ZNF98: variants seen among roughly 807,000 people sequenced by gnomAD.
ZNF98 encodes the protein zinc finger protein 98.
In ZNF98, 8 loss-of-function variants were observed where a neutral mutation model predicts 12.8. The observed-to-expected ratio is 0.63, with a 90% confidence interval of 0.37 to 1.13. The LOEUF is 1.13. Among genes scored for constraint, ZNF98 ranks in the 50% most tolerant of loss-of-function variants. The probability of loss-of-function intolerance (pLI) is 0.01; values close to 1 mark genes in which losing one functional copy is unlikely to be tolerated. For missense variants in ZNF98, 379 were observed against 666.1 expected (o/e 0.57, Z 4.74); for synonymous variants, 112 against 223.5 (o/e 0.50, Z 4.45).
intron 1 of ZNF98, among the ~76,000 whole-genome samples, chr19:22,418,779 G>A (rs1407084136): frequency 6.6e-6 from 1 of 152,186 alleles, no homozygotes; most frequent in Non-Finnish European, 1.5e-5. Flanking sequence ...CTTCTTGGGA[G>A]GCTGAGGCAG....
chr19:22,396,360 C>T (rs1432655585), intron 3 of ZNF98, among the ~76,000 whole-genome samples: 1 of 151,736 alleles, frequency 6.6e-6, no homozygotes, highest in Non-Finnish European at 1.5e-5. Context: ...ATGGAACCCC[C>T]AAGGTGCCAC....
chr19:22,409,581 A>T (rs1016941307), intron 1 of ZNF98, among the ~76,000 whole-genome samples: 1 of 152,146 alleles, frequency 6.6e-6, no homozygotes, highest in African/African-American at 2.4e-5. Flanking sequence ...AAGAAACTTT[A>T]AAAAATTTAC....
intron 3 of ZNF98, 57 bp downstream of exon 3, chr19:22,402,732 T>C (rs1269038187): frequency 3.6e-5 from 42 of 1,181,970 alleles, no homozygotes; most frequent in East Asian, 8.1e-5. Context: ...TTTTTTTTTT[T>C]CTACTTTGGA....
chr19:22,391,299 AATAAG>A lies in ZNF98; in HGVS notation c.*212_*216del, dbSNP rs1193558223. 1.5e-5 allele frequency: 14 copies of A among 958,220 alleles called. No individual in the cohort carries two copies. The highest frequency in any genetic ancestry group is 5.6e-5 in the East Asian group (2 of 35,846). 59.4% of individuals were successfully genotyped at this position (958,220 alleles called of 1,614,324 possible). A position where few individuals can be genotyped will look rare whatever the true frequency, so the allele number is the denominator to read the frequency against. Reference sequence around the variant, plus strand: ...ATTAAGTATAAATTCTCTGATGCTGAATAAGATGTGTGCAGATATTAATCACTTTT... The same window carrying A: ...ATTAAGTATAAATTCTCTGATGCTGAATGTGTGCAGATATTAATCACTTTT... On this transcript the variant is annotated 3_prime_UTR_variant, in exon 4 of 4. Coordinates refer to ENST00000357774, the MANE Select transcript of ZNF98 (RefSeq NM_001098626.2).
chr19:22,406,188 T>C (rs1254126057), intron 1 of ZNF98, among the ~76,000 whole-genome samples: 1 of 151,984 alleles, frequency 6.6e-6, no homozygotes, highest in East Asian at 1.9e-4. Context: ...CCAACTGGGG[T>C]TGTCAGACAC....
At chr19:22,413,368 A>G (rs189565667) in intron 1 of ZNF98, among the ~76,000 whole-genome samples, 70 of 152,354 alleles carry the variant, frequency 4.6e-4, no homozygotes, top group African/African-American at 1.6e-3. Flanking sequence ...AAGCTTTTCA[A>G]ACTGACAACT....
At chr19:22,394,841 CTG>C (rs1185314535) in intron 3 of ZNF98, among the ~76,000 whole-genome samples, 1 of 152,050 alleles carries the variant, frequency 6.6e-6, no homozygotes, top group East Asian at 1.9e-4. Flanking sequence ...AGCAGAAAGA[CTG>C]TGGTACTACA....
chr19:22,409,252 A>G (rs1490767938), intron 1 of ZNF98, among the ~76,000 whole-genome samples: 2 of 152,156 alleles, frequency 1.3e-5, no homozygotes, highest in Non-Finnish European at 2.9e-5. Context: ...GAAAACTGAA[A>G]CTGGACCTCT....
chr19:22,407,798 C>T (rs1334643268), intron 1 of ZNF98, among the ~76,000 whole-genome samples: 3 of 151,766 alleles, frequency 2.0e-5, no homozygotes, highest in East Asian at 3.9e-4. Context: ...AGGTCGGGCG[C>T]GGTAGCTCAC....
At chr19:22,403,612 T>C in intron 1 of ZNF98, 100 bp from the exon 2 acceptor site, 1 of 1,201,128 alleles carries the variant, frequency 8.3e-7, no homozygotes, top group Non-Finnish European at 1.2e-6. Flanking sequence ...AACTGGTTCT[T>C]ACTTATAGGA....
intron 1 of ZNF98, among the ~76,000 whole-genome samples, chr19:22,414,661 C>T (rs1447792078): frequency 2.0e-5 from 3 of 152,036 alleles, no homozygotes; most frequent in Non-Finnish European, 4.4e-5. Context: ...ACAAATGATA[C>T]TGGAATAACT....
chr19:22,399,828 T>C (rs1969436937), intron 3 of ZNF98, among the ~76,000 whole-genome samples: 1 of 152,164 alleles, frequency 6.6e-6, no homozygotes, highest in African/African-American at 2.4e-5. Flanking sequence ...TAAAAATGCC[T>C]TTATGAGAGA....
chr19:22,397,186 A>G (rs1969403978), intron 3 of ZNF98, among the ~76,000 whole-genome samples: 1 of 124,236 alleles, frequency 8.0e-6, no homozygotes, highest in African/African-American at 2.9e-5. Context: ...ATCTGTATGT[A>G]CATCTGTGTG....
At chr19:22,414,059 A>G (rs1046989741) in intron 1 of ZNF98, among the ~76,000 whole-genome samples, 2 of 151,412 alleles carry the variant, frequency 1.3e-5, no homozygotes, top group Admixed American at 1.3e-4. Context: ...ACATGGTGAA[A>G]CCCTATCTCT....
chr19:22,400,758 G>A (rs938127025), intron 3 of ZNF98, among the ~76,000 whole-genome samples: 1 of 151,764 alleles, frequency 6.6e-6, no homozygotes, highest in Middle Eastern at 3.2e-3. Flanking sequence ...TTCAAGACCA[G>A]CCTGGCCAAC....
intron 2 of ZNF98, 108 bp downstream of exon 2, chr19:22,403,271 CAAAAAAA>C (rs372576912): frequency 1.0e-6 from 1 of 962,888 alleles, no homozygotes; most frequent in African/African-American, 2.1e-5. Context: ...AAAAAAAAAA[CAAAAAAA>C]AAAAACAGAG....
chr19:22,394,748 A>G (rs555476996), intron 3 of ZNF98, among the ~76,000 whole-genome samples: 2 of 152,162 alleles, frequency 1.3e-5, no homozygotes, highest in African/African-American at 4.8e-5. Flanking sequence ...CCTATGTAAC[A>G]TAACTGCACG....
rs770476781 is a variant in ZNF98, at chr19:22,392,925, A to C, written c.310T>G (p.Phe104Val). ...TATGTTCTCAGTATCACTTTTTGGA[A>C]ATAATTTTTTTTGCCCTGCTTTGGC... ...LWPKQGKKNYFQKVILRTYKK... is the reference protein window; with the variant it reads ...LWPKQGKKNYVQKVILRTYKK... Residue 104 changes from phenylalanine to valine, a missense_variant, in exon 4 of 4, where the codon TTC becomes GTC. Phe to Val is a conservative substitution (Grantham distance 50, BLOSUM62 -1). Transcript: ENST00000357774. The C allele has an allele frequency of 1.9e-6, 3 of 1,583,722 alleles. No homozygotes were observed. The highest frequency in any genetic ancestry group is 2.2e-5 in the East Asian group (1 of 44,698).
chr19:22,401,397 C>A (rs1437836561), intron 3 of ZNF98, among the ~76,000 whole-genome samples: 1 of 151,716 alleles, frequency 6.6e-6, no homozygotes, highest in Non-Finnish European at 1.5e-5. Flanking sequence ...AACCAAGGAG[C>A]TTAAATATCT....
Sources: gnomAD v4.1 joint callset for allele counts (sites outside exome capture counted in the v4.1 genomes callset) on GRCh38, gnomAD v4.1.1 for gene constraint, MANE v1.5 for transcripts, NCBI Gene and HGNC (gene_info 2026-07-23, HGNC 2026-07-21) for gene names.